The following NPAT variants were observed in gnomAD, a reference collection of about 807,000 sequenced individuals.
NPAT encodes the protein protein NPAT.
Under a neutral mutation model 130.7 loss-of-function variants are expected in NPAT, and 52 were observed. The observed-to-expected ratio is 0.40, with a 90% CI of 0.32 to 0.50. The LOEUF is 0.50. Ranked by LOEUF, NPAT falls within the 20% of genes least tolerant of loss-of-function variation. The probability of loss-of-function intolerance (pLI) is 0.68; values close to 1 mark genes in which losing one functional copy is unlikely to be tolerated. For missense variants in NPAT, 1,687 were observed against 1,662.6 expected, an observed-to-expected ratio of 1.01 and a Z score of -0.26; for synonymous variants, 580 against 584.8, an observed-to-expected ratio of 0.99 and a Z score of 0.12.
chr11:108,163,891 T>G (rs1186009768), intron 15 of NPAT, among the ~76,000 whole-genome samples: 1 of 151,732 alleles, frequency 6.6e-6, no homozygotes, highest in Non-Finnish European at 1.5e-5. Context: ...TTAAGAGAGG[T>G]TAAGAGATTA....
At chr11:108,210,437 C>CA (rs1163805449) in intron 1 of NPAT, among the ~76,000 whole-genome samples, 1 of 152,166 alleles carries the variant, frequency 6.6e-6, no homozygotes, top group Non-Finnish European at 1.5e-5. Context: ...CTCTTGCTCT[C>CA]ACTCCTGCCA....
At chr11:108,199,424 C>T (rs1038986660) in intron 1 of NPAT, among the ~76,000 whole-genome samples, 3 of 152,272 alleles carry the variant, frequency 2.0e-5, no homozygotes, top group Non-Finnish European at 2.9e-5. Flanking sequence ...CAGGCAGGCG[C>T]GCCACAGGCC....
chr11:108,209,397 G>A (rs941371394), intron 1 of NPAT, among the ~76,000 whole-genome samples: 3 of 152,180 alleles, frequency 2.0e-5, no homozygotes, highest in Non-Finnish European at 4.4e-5. Context: ...CATGAGGTGA[G>A]GAATTCAAGA....
At chr11:108,211,799 A>G (rs1251083629) in intron 1 of NPAT, among the ~76,000 whole-genome samples, 1 of 152,172 alleles carries the variant, frequency 6.6e-6, no homozygotes, top group African/African-American at 2.4e-5. Flanking sequence ...AAAATTAAAA[A>G]TTTAGCTGGG....
chr11:108,193,980 T>G lies in NPAT; in HGVS notation c.194A>C (p.Glu65Ala). Residue 65 changes from glutamate to alanine, a missense_variant, in exon 3 of 18, where the codon GAG becomes GCG. Glu to Ala is a moderately radical substitution (Grantham distance 107). Around this residue, in one of 3 missense-constraint regions of NPAT, gnomAD observed 307 missense variants for 298.9 expected, o/e 1.03. Transcript: ENST00000278612. Reference sequence around the variant, plus strand: ...ACCTTTTGTTTTCATAGCTACATACTCATTTAAAATTGTTGTCAAGTTTTT... The same window carrying G: ...ACCTTTTGTTTTCATAGCTACATACGCATTTAAAATTGTTGTCAAGTTTTT... ...FGKNLTTILN[E>A]YVAMKTKETS... 1 of 1,579,628 alleles carries G rather than the reference T, an allele frequency of 6.3e-7. No individual in the cohort carries two copies. Among genetic ancestry groups the G allele is most frequent in the Non-Finnish European group, 8.7e-7 (1 of 1,149,374 alleles).
intron 12 of NPAT, 97 bp downstream of exon 12, chr11:108,176,149 G>A (rs2078003568): frequency 2.1e-5 from 20 of 935,722 alleles, no homozygotes; most frequent in Non-Finnish European, 3.2e-5. Context: ...ATAACAATCT[G>A]AACAACTTCT....
chr11:108,218,561 A>G lies in NPAT; in HGVS notation c.37+3939T>C, dbSNP rs544349694. Among the ~76,000 whole-genome samples, 8 of 152,350 alleles carry G rather than the reference A, an allele frequency of 5.3e-5. No homozygotes were observed. In the East Asian group the frequency reaches 1.5e-3, roughly 29 times the overall value. Reference sequence around the variant, plus strand: ...TAACAGGGACAAGGTTTCTGTCTATAAAGTTACAATTTACTTGGAGATAGA... The same window carrying G: ...TAACAGGGACAAGGTTTCTGTCTATGAAGTTACAATTTACTTGGAGATAGA... On this transcript the variant is annotated intron_variant, in intron 1 of 17. Coordinates refer to ENST00000278612, the MANE Select transcript of NPAT (RefSeq NM_002519.3).
At chr11:108,188,283 A>C in intron 6 of NPAT, 104 bp from the exon 7 acceptor site, 1 of 869,046 alleles carries the variant, frequency 1.2e-6, no homozygotes, top group Non-Finnish European at 1.9e-6. Flanking sequence ...TATTAAATTC[A>C]ATTAACATGT....
intron 1 of NPAT, among the ~76,000 whole-genome samples, chr11:108,212,669 G>C (rs2078395488): frequency 1.3e-5 from 2 of 151,834 alleles, no homozygotes; most frequent in African/African-American, 4.8e-5. Flanking sequence ...TAGAGGCCAG[G>C]CACCACGGCT....
At chr11:108,165,473 T>TATATATA (rs1555039293) in intron 15 of NPAT, among the ~76,000 whole-genome samples, 2 of 66,562 alleles carry the variant, frequency 3.0e-5, no homozygotes, top group Non-Finnish European at 5.8e-5. Context: ...TATATATATA[T>TATATATA]TTTTTTTTTG....
chr11:108,187,735 A>G (rs2078121477), intron 7 of NPAT, among the ~76,000 whole-genome samples: 1 of 149,648 alleles, frequency 6.7e-6, no homozygotes, highest in African/African-American at 2.6e-5. Context: ...CCATCAATTG[A>G]TCTTAGGACT....
chr11:108,161,602 T>G lies in NPAT; in HGVS notation c.3484A>C (p.Lys1162Gln). Residue 1162 changes from lysine to glutamine, a missense_variant, in exon 17 of 18, where the codon AAA becomes CAA. By Grantham distance (53) the Lys-to-Gln change is moderately conservative. Transcript: ENST00000278612. The stretch of plus-strand genomic sequence containing the variant: ...TCATTCTCCTTATTAGCTGTTGCTT[T>G]ATGGAAAGATTCAAGCACAATTTCT... ...PTEIVLESFH[K>Q]ATANKENELC... 1.2e-6 allele frequency: 2 copies of G among 1,614,202 alleles called. No individual in the cohort carries two copies. The highest frequency in any genetic ancestry group is 1.7e-6 in the Non-Finnish European group (2 of 1,180,034).
intron 1 of NPAT, among the ~76,000 whole-genome samples, chr11:108,209,811 C>A (rs1173776107): frequency 6.8e-6 from 1 of 147,630 alleles, no homozygotes; most frequent in African/African-American, 2.5e-5. Flanking sequence ...ATGGCATGAA[C>A]CTGGGAGGCA....
intron 17 of NPAT, among the ~76,000 whole-genome samples, chr11:108,159,921 G>A (rs1387396571): frequency 6.6e-6 from 1 of 151,896 alleles, no homozygotes; most frequent in Non-Finnish European, 1.5e-5. Flanking sequence ...GGGAGTCCGA[G>A]GTGGGTGGAT....
At chr11:108,168,274 A>C (rs1055728346) in intron 15 of NPAT, among the ~76,000 whole-genome samples, 2 of 152,222 alleles carry the variant, frequency 1.3e-5, no homozygotes, top group African/African-American at 4.8e-5. Context: ...ATATCATTGC[A>C]TGTCACATCG....
intron 1 of NPAT, 97 bp downstream of exon 1, chr11:108,222,403 C>G (rs1225535069): frequency 1.1e-5 from 15 of 1,350,574 alleles, no homozygotes; most frequent in Non-Finnish European, 1.5e-5. Context: ...AGGCAAAACC[C>G]CAAAGCTTCC....
intron 15 of NPAT, among the ~76,000 whole-genome samples, chr11:108,162,867 C>A (rs2077865657): frequency 6.6e-6 from 1 of 152,122 alleles, no homozygotes; most frequent in Non-Finnish European, 1.5e-5. Flanking sequence ...TGTCCCGGTA[C>A]CTATCATGTT....
intron 15 of NPAT, among the ~76,000 whole-genome samples, chr11:108,162,466 T>C (rs2077861291): frequency 6.6e-6 from 1 of 150,436 alleles, no homozygotes; most frequent in African/African-American, 2.5e-5. Context: ...AGTCATGCTC[T>C]ATCACCCAGG....
intron 10 of NPAT, among the ~76,000 whole-genome samples, chr11:108,183,415 A>G (rs998625368): frequency 2.0e-5 from 3 of 152,234 alleles, no homozygotes; most frequent in Non-Finnish European, 4.4e-5. Flanking sequence ...CTGCTCTAAT[A>G]CACTCACATG....
Sources: gnomAD v4.1 joint callset for allele counts (sites outside exome capture counted in the v4.1 genomes callset) on GRCh38, gnomAD v4.1.1 for gene constraint, gnomAD v4.1.1 regional missense constraint, MANE v1.5 for transcripts, NCBI Gene and HGNC (gene_info 2026-07-23, HGNC 2026-07-21) for gene names.